The following PRRX2 variants were observed in gnomAD, a reference collection of about 807,000 sequenced individuals.
The protein encoded by PRRX2 is paired related homeobox 2.
A neutral mutation model predicts 18.0 loss-of-function variants in PRRX2; 11 were observed. The ratio of observed to expected loss-of-function variants is 0.61; its 90% confidence interval spans 0.39 to 1.01. The LOEUF (loss-of-function observed/expected upper bound fraction) is 1.01, where lower values mean the gene tolerates loss of function less well. PRRX2 is among the 50% of genes least tolerant of loss of function. The pLI is 0.01. For missense variants in PRRX2, 387 were observed against 351.0 expected, an observed-to-expected ratio of 1.10 and a Z score of -0.82; for synonymous variants, 177 against 154.8, an observed-to-expected ratio of 1.14 and a Z score of -1.06.
At chr9:129,707,365 C>A (rs1832570047) in intron 1 of PRRX2, among the ~76,000 whole-genome samples, 2 of 152,246 alleles carry the variant, frequency 1.3e-5, no homozygotes, top group African/African-American at 4.8e-5. Context: ...CCACAGTTAC[C>A]ATCTCTAAGT....
rs1437616147 is a variant in PRRX2 at position 129,719,413 on chromosome 9, G to A, written c.442G>A (p.Val148Ile). 1.3e-6 allele frequency: 2 copies of A among 1,530,790 alleles called. No individual in the cohort carries two copies. Among genetic ancestry groups the A allele is most frequent in the South Asian group, 1.2e-5 (1 of 82,738 alleles). 94.8% of individuals were successfully genotyped at this position (1,530,790 alleles called of 1,614,324 possible). A position where few individuals can be genotyped will look rare whatever the true frequency, so the allele number is the denominator to read the frequency against. Residue 148 changes from valine (V) to isoleucine (I), a missense_variant, in exon 2 of 4, where the codon GTT becomes ATT. By Grantham distance (29) the Val-to-Ile change is conservative (BLOSUM62 3). Coordinates refer to ENST00000372469, the MANE Select transcript of PRRX2 (RefSeq NM_016307.4). Reference protein sequence around the residue: ...ARRVNLSEARVQVWFQNRRAK... With the variant: ...ARRVNLSEARIQVWFQNRRAK... ...GCGCGTCAACCTCAGCGAGGCGCGC[G>A]TTCAGGTGAGCGCTCAGTCCCGGGC... is the stretch of plus-strand genomic sequence containing the variant.
At chr9:129,710,416 G>A (rs1029608978) in intron 1 of PRRX2, among the ~76,000 whole-genome samples, 1 of 152,184 alleles carries the variant, frequency 6.6e-6, no homozygotes, top group Non-Finnish European at 1.5e-5. Context: ...GAATTTCTGG[G>A]GTTGAGGCCA....
chr9:129,715,346 A>C lies in PRRX2; in HGVS notation c.260-3885A>C, dbSNP rs1272298549. Among the ~76,000 whole-genome samples, 1 of 152,152 alleles carries C rather than the reference A, an allele frequency of 6.6e-6. No individual in the cohort carries two copies. Among genetic ancestry groups the C allele is most frequent in the African/African-American group, 2.4e-5 (1 of 41,446 alleles). ...CATGGTGGCTCGTGCCTGTAATCCCAGTACTTTGGGAGGCTGAGGCAGGAG... is the reference window on the plus strand; with the variant it reads ...CATGGTGGCTCGTGCCTGTAATCCCCGTACTTTGGGAGGCTGAGGCAGGAG... On this transcript the variant is annotated intron_variant, in intron 1 of 3. Transcript: ENST00000372469. The surrounding 1 kb of genome is among the most constrained non-coding windows in gnomAD (Gnocchi z 4.0).
chr9:129,699,106 T>TG (rs1301731049), intron 1 of PRRX2, among the ~76,000 whole-genome samples: 2 of 152,194 alleles, frequency 1.3e-5, no homozygotes, highest in Non-Finnish European at 2.9e-5. Context: ...CCCTAGCCCA[T>TG]GCTCTGGCCT....
At chr9:129,689,732 G>A (rs559156904) in intron 1 of PRRX2, among the ~76,000 whole-genome samples, 2 of 151,702 alleles carry the variant, frequency 1.3e-5, no homozygotes, top group South Asian at 4.2e-4. Context: ...GGTGGGGGCG[G>A]GGGCTTGGCA....
rs1420203565 is a variant in PRRX2 at position 129,715,628 on chromosome 9, C to G, written c.260-3603C>G. On this transcript the variant is annotated intron_variant, in intron 1 of 3. Coordinates refer to ENST00000372469, the MANE Select transcript of PRRX2 (RefSeq NM_016307.4). This position sits in a 1 kb window ranked among gnomAD's most constrained non-coding sequence, Gnocchi z 4.0. Reference sequence around the variant, plus strand: ...AGATATTTAGCAGCACTCCTGGCCTCTTTACCATTAGATCCTAGTAGCACC... The same window carrying G: ...AGATATTTAGCAGCACTCCTGGCCTGTTTACCATTAGATCCTAGTAGCACC... Among the ~76,000 whole-genome samples the G allele has an allele frequency of 2.0e-5, 3 of 151,950 alleles. No homozygotes were observed. Among genetic ancestry groups the G allele is most frequent in the Non-Finnish European group, 2.9e-5 (2 of 68,006 alleles).
intron 1 of PRRX2, among the ~76,000 whole-genome samples, chr9:129,676,777 G>A (rs775868390): frequency 4.6e-5 from 7 of 152,176 alleles, no homozygotes; most frequent in Non-Finnish European, 8.8e-5. Flanking sequence ...TGGGAGACCC[G>A]GGGCCTCCCC....
chr9:129,715,773 C>CACAA lies in PRRX2; in HGVS notation c.260-3455_260-3454insAACA, dbSNP rs1485518192. 1.3e-5 allele frequency among the ~76,000 whole-genome samples: 2 copies of CACAA among 151,692 alleles called. No individual in the cohort carries two copies. Among genetic ancestry groups the CACAA allele is most frequent in the African/African-American group, 4.8e-5 (2 of 41,242 alleles). The stretch of plus-strand genomic sequence containing the variant: ...TCTCACACACACACACACACACACA[C>CACAA]ACACACACACACACACACACTCATT... On this transcript the variant is annotated intron_variant, in intron 1 of 3. Coordinates refer to ENST00000372469, the MANE Select transcript of PRRX2 (RefSeq NM_016307.4). The surrounding 1 kb of genome is among the most constrained non-coding windows in gnomAD (Gnocchi z 4.0).
chr9:129,689,712 G>A lies in PRRX2; in HGVS notation c.259+23586G>A, dbSNP rs570195016. 4.0e-5 allele frequency among the ~76,000 whole-genome samples: 6 copies of A among 151,360 alleles called. No homozygotes were observed. The South Asian group carries it at 8.4e-4, about 21-fold the overall frequency. On this transcript the variant is annotated intron_variant, in intron 1 of 3. Coordinates refer to ENST00000372469, the MANE Select transcript of PRRX2 (RefSeq NM_016307.4). ...GCCTCACTCCGAACCTGTGGAGTCCGACTCTCCGGGGTGGGGGCGGGGGCT... is the reference window on the plus strand; with the variant it reads ...GCCTCACTCCGAACCTGTGGAGTCCAACTCTCCGGGGTGGGGGCGGGGGCT...
intron 1 of PRRX2, among the ~76,000 whole-genome samples, chr9:129,678,811 C>T (rs1832192784): frequency 6.6e-6 from 1 of 152,150 alleles, no homozygotes; most frequent in South Asian, 2.1e-4. Context: ...TCTCAGTGAG[C>T]ATCTCTTACG....
intron 1 of PRRX2, among the ~76,000 whole-genome samples, chr9:129,686,101 A>C (rs1049394937): frequency 6.6e-6 from 1 of 152,234 alleles, no homozygotes; most frequent in Non-Finnish European, 1.5e-5. Flanking sequence ...TCCAAGGAGC[A>C]TAAGGAAGGC....
chr9:129,711,294 TCA>T (rs1832614707), intron 1 of PRRX2, among the ~76,000 whole-genome samples: 1 of 152,008 alleles, frequency 6.6e-6, no homozygotes, highest in Non-Finnish European at 1.5e-5. Context: ...TCTCTGTTCC[TCA>T]GTTTCCTCCT....
chr9:129,717,329 C>G (rs568908985), intron 1 of PRRX2, among the ~76,000 whole-genome samples: 1 of 152,096 alleles, frequency 6.6e-6, no homozygotes, highest in Non-Finnish European at 1.5e-5. Flanking sequence ...CTCAGCGTCC[C>G]GAAGTGATGG....
At position 129,687,240 on chromosome 9, in the gene PRRX2, GA is replaced by G. The variant is rs759593593; in HGVS notation, c.259+21121del. Among the ~76,000 whole-genome samples the G allele has an allele frequency of 5.3e-5, 8 of 152,154 alleles. No individual in the cohort carries two copies. In the South Asian group the frequency reaches 1.7e-3, roughly 32 times the overall value. Reference sequence around the variant, plus strand: ...ACCAACTCTATAAAACATTAAAAAAGAAAAAAAGTCGGCTGCATTCAACATG... The same window carrying G: ...ACCAACTCTATAAAACATTAAAAAAGAAAAAAGTCGGCTGCATTCAACATG... On this transcript the variant is annotated intron_variant, in intron 1 of 3. Coordinates refer to ENST00000372469, the MANE Select transcript of PRRX2 (RefSeq NM_016307.4).
intron 1 of PRRX2, among the ~76,000 whole-genome samples, chr9:129,717,310 T>C (rs913599820): frequency 1.3e-5 from 2 of 152,182 alleles, no homozygotes; most frequent in African/African-American, 4.8e-5. Context: ...CCTCAAGTAA[T>C]CCACCTGCCT....
chr9:129,720,566 G>A, intron 2 of PRRX2, 30 bp from the exon 3 acceptor site: 1 of 1,573,882 alleles, frequency 6.4e-7, no homozygotes, highest in Non-Finnish European at 8.6e-7. Context: ...CCCTGCCCAT[G>A]CTGCACCCTG....
chr9:129,698,170 G>T (rs887573970), intron 1 of PRRX2, among the ~76,000 whole-genome samples: 5 of 150,486 alleles, frequency 3.3e-5, no homozygotes, highest in African/African-American at 1.2e-4. Flanking sequence ...TCAGCTCTCT[G>T]GGCCCCCTCG....
At chr9:129,673,715 C>T (rs192829858) in intron 1 of PRRX2, among the ~76,000 whole-genome samples, 21 of 152,148 alleles carry the variant, frequency 1.4e-4, no homozygotes, top group Admixed American at 1.2e-3. Context: ...GGCTCCAGCC[C>T]GGCCCCCTGA....
chr9:129,672,882 GTTCA>G (rs3054758), intron 1 of PRRX2, among the ~76,000 whole-genome samples: 11,909 of 150,090 alleles, frequency 0.079, 734 homozygotes, highest in African/African-American at 0.17. Context: ...TCCCGCACTT[GTTCA>G]TTCATTCATT....
Sources: gnomAD v4.1 joint callset for allele counts (sites outside exome capture counted in the v4.1 genomes callset) on GRCh38, gnomAD v4.1.1 for gene constraint, Gnocchi (gnomAD v3.1) non-coding constraint, MANE v1.5 for transcripts, NCBI Gene and HGNC (gene_info 2026-07-23, HGNC 2026-07-21) for gene names.